The following DNAH11 variants were observed in gnomAD, a reference collection of about 807,000 sequenced individuals.
The protein encoded by DNAH11 is axonemal beta dynein heavy chain 11.
Under a neutral mutation model 526.0 loss-of-function variants are expected in DNAH11, and 442 were observed. The ratio of observed to expected loss-of-function variants is 0.84; its 90% CI spans 0.78 to 0.91. The LOEUF (loss-of-function observed/expected upper bound fraction) is 0.91. Among genes scored for constraint, DNAH11 ranks in the 40% least tolerant of loss-of-function variants. The pLI, the probability that DNAH11 is intolerant of heterozygous loss-of-function variation, is 0.00. For missense variants in DNAH11, 6,989 were observed against 5,448.7 expected, an observed-to-expected ratio of 1.28 and a Z score of -8.90; for synonymous variants, 2,461 against 1,935.9, an observed-to-expected ratio of 1.27 and a Z score of -7.12.
intron 28 of DNAH11, among the ~76,000 whole-genome samples, chr7:21,646,182 A>G (rs1049704220): frequency 7.2e-5 from 11 of 152,228 alleles, no homozygotes; most frequent in Non-Finnish European, 1.3e-4. Flanking sequence ...AGGTTGCTCA[A>G]TTTCAGAAGT....
chr7:21,564,243 A>C lies in DNAH11; in HGVS notation c.1040A>C (p.Gln347Pro). The C allele has an allele frequency of 1.2e-6, 2 of 1,613,148 alleles. No homozygotes were observed. Among genetic ancestry groups the C allele is most frequent in the Non-Finnish European group, 1.7e-6 (2 of 1,179,400 alleles). ...CTGAGACCTCTGAGGAGACACATCC[A>C]GTGTCTCCAGGAGACGGAATTCCCA... ...LYLRPLRRHI[Q>P]CLQETEFPQT... is the part of the protein sequence containing the mutation. Residue 347 changes from glutamine (Q) to proline (P), a missense_variant, in exon 6 of 82, where the codon CAG becomes CCG. Physicochemically the swap from Gln to Pro is moderately conservative, Grantham distance 76. Coordinates refer to ENST00000409508, the MANE Select transcript of DNAH11 (RefSeq NM_001277115.2).
At chr7:21,674,847 C>G (rs1782805591) in intron 30 of DNAH11, among the ~76,000 whole-genome samples, 1 of 151,988 alleles carries the variant, frequency 6.6e-6, no homozygotes, top group Non-Finnish European at 1.5e-5. Flanking sequence ...TCCCAACGTG[C>G]CCAACTGCAG....
intron 65 of DNAH11, among the ~76,000 whole-genome samples, chr7:21,833,664 C>T (rs1781876702): frequency 6.6e-6 from 1 of 151,988 alleles, no homozygotes; most frequent in Non-Finnish European, 1.5e-5. Flanking sequence ...CACTGCTCTC[C>T]AGCCTGGGCA....
chr7:21,727,975 C>CTG (rs1491009241), intron 45 of DNAH11, among the ~76,000 whole-genome samples: 2 of 152,178 alleles, frequency 1.3e-5, no homozygotes, highest in African/African-American at 4.8e-5. Flanking sequence ...CACTGTCTCC[C>CTG]TGTGTGTCTA....
intron 30 of DNAH11, among the ~76,000 whole-genome samples, chr7:21,670,651 A>T (rs1308820823): frequency 6.6e-6 from 1 of 152,146 alleles, no homozygotes; most frequent in Non-Finnish European, 1.5e-5. Flanking sequence ...ATATAATGTT[A>T]GTTGAATGTT....
intron 54 of DNAH11, among the ~76,000 whole-genome samples, chr7:21,764,487 T>A (rs1023547609): frequency 2.8e-5 from 1 of 35,442 alleles, no homozygotes; most frequent in African/African-American, 5.7e-5. Flanking sequence ...TTCTCCCTCT[T>A]AGACCTTACT....
chr7:21,772,759 G>A (rs771681248), intron 55 of DNAH11, among the ~76,000 whole-genome samples: 4 of 152,118 alleles, frequency 2.6e-5, no homozygotes, highest in Non-Finnish European at 5.9e-5. Context: ...AAACCCACTC[G>A]GGAATTTGTC....
At chr7:21,615,615 CCTATGCTTATACTTA>C (rs1427635997) in intron 21 of DNAH11, among the ~76,000 whole-genome samples, 3 of 151,786 alleles carry the variant, frequency 2.0e-5, no homozygotes, top group Admixed American at 6.6e-5. Context: ...CATACATATT[CCTATGCTTATACTTA>C]CATGCCTGGG....
At chr7:21,580,258 C>CT (rs1025519058) in intron 8 of DNAH11, among the ~76,000 whole-genome samples, 1 of 152,150 alleles carries the variant, frequency 6.6e-6, no homozygotes. Context: ...CGTATGTTCT[C>CT]TATTACTATA....
chr7:21,818,391 A>T, intron 65 of DNAH11, 52 bp downstream of exon 65: 1 of 1,570,440 alleles, frequency 6.4e-7, no homozygotes, highest in Non-Finnish European at 8.6e-7. Flanking sequence ...GATTTTCAGC[A>T]GCAGCATCTC....
intron 63 of DNAH11, among the ~76,000 whole-genome samples, chr7:21,816,253 A>T (rs926410069): frequency 5.3e-5 from 8 of 152,150 alleles, no homozygotes; most frequent in African/African-American, 1.9e-4. Flanking sequence ...CCGATGTTGA[A>T]TCCCACAGTT....
intron 20 of DNAH11, among the ~76,000 whole-genome samples, chr7:21,609,014 G>C (rs1252738511): frequency 1.3e-5 from 2 of 152,138 alleles, no homozygotes; most frequent in Non-Finnish European, 2.9e-5. Context: ...CCCTGGTTCT[G>C]AAGGCATCTC....
chr7:21,876,886 T>C (rs978305174), intron 74 of DNAH11, among the ~76,000 whole-genome samples: 1 of 152,238 alleles, frequency 6.6e-6, no homozygotes, highest in Non-Finnish European at 1.5e-5. Flanking sequence ...CAAGAGAGGC[T>C]GGGAAAAGTG....
At chr7:21,885,500 C>G (rs1784094854) in intron 76 of DNAH11, among the ~76,000 whole-genome samples, 1 of 152,056 alleles carries the variant, frequency 6.6e-6, no homozygotes, top group East Asian at 1.9e-4. Flanking sequence ...TACAAAGTTA[C>G]CATCCTTAGA....
intron 63 of DNAH11, among the ~76,000 whole-genome samples, chr7:21,811,337 T>C (rs1194692510): frequency 2.0e-5 from 3 of 151,772 alleles, no homozygotes; most frequent in East Asian, 3.9e-4. Context: ...GTGCCTGTAA[T>C]CCAGGCTATT....
chr7:21,724,058 A>G (rs1021478160), intron 44 of DNAH11, among the ~76,000 whole-genome samples: 5 of 152,180 alleles, frequency 3.3e-5, no homozygotes, highest in Admixed American at 2.6e-4. Context: ...TTTAGAACAG[A>G]TGCGTTTTAG....
chr7:21,697,247 A>G (rs1783896001), intron 35 of DNAH11, among the ~76,000 whole-genome samples: 1 of 152,014 alleles, frequency 6.6e-6, no homozygotes, highest in Non-Finnish European at 1.5e-5. Flanking sequence ...GTTGCTGTGA[A>G]TAGCAATTGT....
chr7:21,888,352 C>T (rs1309701961), intron 76 of DNAH11, among the ~76,000 whole-genome samples: 4 of 152,018 alleles, frequency 2.6e-5, no homozygotes, highest in South Asian at 2.1e-4. Context: ...GAGTGGGGGT[C>T]GGTTTTTGTT....
At chr7:21,735,601 C>G (rs1011296134) in intron 45 of DNAH11, 39 bp from the exon 46 acceptor site, 6 of 1,543,280 alleles carry the variant, frequency 3.9e-6, no homozygotes, top group African/African-American at 1.4e-5. Flanking sequence ...CACTCTCTCT[C>G]TCTTTCTGAT....
Sources: allele counts gnomAD v4.1 joint callset (sites outside exome capture counted in the v4.1 genomes callset), GRCh38; gene constraint gnomAD v4.1.1; transcripts MANE v1.5; gene names NCBI Gene and HGNC (gene_info 2026-07-23, HGNC 2026-07-21).